The following SPATC1 variants were observed in gnomAD, a reference collection of about 807,000 sequenced individuals.
SPATC1 encodes the protein speriolin.
SPATC1 carries 35 observed loss-of-function variants against 36.5 expected under a neutral mutation model. The ratio of observed to expected loss-of-function variants is 0.96; its 90% confidence interval spans 0.73 to 1.27. SPATC1 has a LOEUF of 1.27. SPATC1 is among the 50% of genes most tolerant of loss of function. The pLI, the probability that SPATC1 is intolerant of heterozygous loss-of-function variation, is 0.00. For synonymous variants in SPATC1, 361 were observed against 353.6 expected, an observed-to-expected ratio of 1.02 and a Z score of -0.24; for missense variants, 779 against 796.0, an observed-to-expected ratio of 0.98 and a Z score of 0.26.
intron 1 of SPATC1, among the ~76,000 whole-genome samples, chr8:144,038,148 T>C (rs2133140115): frequency 7.0e-6 from 1 of 141,860 alleles, no homozygotes; most frequent in Non-Finnish European, 1.5e-5. Context: ...AAAATTGATT[T>C]TTACAGCCAG....
chr8:144,028,028 C>A (rs1236077874), intron 1 of SPATC1, among the ~76,000 whole-genome samples: 1 of 151,854 alleles, frequency 6.6e-6, no homozygotes, highest in Non-Finnish European at 1.5e-5. Flanking sequence ...GAAACTCGAC[C>A]CCTTAAACCT....
chr8:144,014,534 C>T (rs1338342456), intron 1 of SPATC1, among the ~76,000 whole-genome samples: 1 of 152,092 alleles, frequency 6.6e-6, no homozygotes, highest in Admixed American at 6.5e-5. Context: ...AAGCTAGACT[C>T]TGGTTTCGTA....
chr8:144,037,357 C>T (rs368615976), intron 1 of SPATC1, among the ~76,000 whole-genome samples: 3 of 151,476 alleles, frequency 2.0e-5, no homozygotes, highest in African/African-American at 7.3e-5. Flanking sequence ...ATGACAATGG[C>T]GGTTTTGAGG....
intron 4 of SPATC1, among the ~76,000 whole-genome samples, chr8:144,043,902 G>A (rs1251595946): frequency 6.6e-6 from 1 of 152,152 alleles, no homozygotes; most frequent in Non-Finnish European, 1.5e-5. Context: ...ACGGGCACAC[G>A]CCTTGGAGGA....
chr8:144,020,890 C>G lies in SPATC1; in HGVS notation c.211+8164C>G, dbSNP rs1174535751. On this transcript the variant is annotated intron_variant, in intron 1 of 4. Transcript: ENST00000377470. ...ACTCTCTTCCCTCAGACCCCTCTTC[C>G]CTCAGGACCCTCTTCCCTCAGGACC... 3.6e-5 allele frequency among the ~76,000 whole-genome samples: 5 copies of G among 139,442 alleles called. No individual in the cohort carries two copies. In the East Asian group the frequency reaches 8.3e-4, roughly 23 times the overall value. The allele number at this position is 139,442 out of a possible 152,430, so 91.5% of individuals were successfully genotyped here. A position where few individuals can be genotyped will look rare whatever the true frequency, so the allele number is the denominator to read the frequency against.
chr8:144,028,890 T>C (rs1475813625), intron 1 of SPATC1, among the ~76,000 whole-genome samples: 2 of 152,132 alleles, frequency 1.3e-5, no homozygotes, highest in African/African-American at 4.8e-5. Flanking sequence ...GATAAGATCA[T>C]GTCCTTTGCA....
intron 4 of SPATC1, chr8:144,042,107 G>A (rs1554756185): frequency 1.5e-6 from 1 of 676,300 alleles, no homozygotes; most frequent in Non-Finnish European, 1.8e-6. Context: ...TATGTACCCA[G>A]CTCACTGCAA....
At chr8:144,022,673 G>A (rs1437352815) in intron 1 of SPATC1, among the ~76,000 whole-genome samples, 1 of 146,944 alleles carries the variant, frequency 6.8e-6, no homozygotes, top group Non-Finnish European at 1.5e-5. Flanking sequence ...CTCCTCTCAC[G>A]ACCCTCTCTC....
chr8:144,033,445 C>T (rs977581262), intron 1 of SPATC1, among the ~76,000 whole-genome samples: 1 of 152,084 alleles, frequency 6.6e-6, no homozygotes, highest in African/African-American at 2.4e-5. Flanking sequence ...CCTATGTTTT[C>T]CTCCCAAAAT....
rs782243691 is a variant in SPATC1 at position 144,040,724 on chromosome 8, C to T, written c.923C>T (p.Ala308Val). 6.2e-7 allele frequency: 1 copy of T among 1,613,528 alleles called. No homozygotes were observed. Among genetic ancestry groups the T allele is most frequent in the Admixed American group, 1.7e-5 (1 of 59,990 alleles). ...TCCTTCAACACTTCGGACACACAGG[C>T]CCAGCCCAGTGCCGCCCAGGAACAA... is the stretch of plus-strand genomic sequence containing the variant. ...AFSFNTSDTQ[A>V]QPSAAQEQVV... Residue 308 changes from alanine to valine, a missense_variant, in exon 3 of 5, where the codon GCC (alanine) becomes GTC (valine). Physicochemically the swap from Ala to Val is moderately conservative, Grantham distance 64. Coordinates refer to ENST00000377470, the MANE Select transcript of SPATC1 (RefSeq NM_198572.3).
chr8:144,014,791 G>A (rs1409318976), intron 1 of SPATC1, among the ~76,000 whole-genome samples: 2 of 152,222 alleles, frequency 1.3e-5, no homozygotes, highest in Non-Finnish European at 2.9e-5. Context: ...TTAAAGCCCT[G>A]ACCCATGTGT....
intron 1 of SPATC1, among the ~76,000 whole-genome samples, chr8:144,021,505 C>T (rs1834534603): frequency 9.1e-6 from 1 of 109,910 alleles, no homozygotes; most frequent in Admixed American, 8.6e-5. Context: ...CTCCTTCCCT[C>T]AGATCCCTCT....
At chr8:144,032,627 G>A (rs986035435) in intron 1 of SPATC1, among the ~76,000 whole-genome samples, 14 of 152,206 alleles carry the variant, frequency 9.2e-5, no homozygotes, top group African/African-American at 3.4e-4. Flanking sequence ...ATATTATAAC[G>A]TGGTGACTCT....
rs371082575 is a variant in SPATC1 at position 144,039,943 on chromosome 8, C to T, written c.246C>T (p.Asn82=). ...TGCCCCCGTCCCCAGCAGTGGCAAACGAACGAGTCCTCGAAGAAGTGGGGA... is the reference window on the plus strand; with the variant it reads ...TGCCCCCGTCCCCAGCAGTGGCAAATGAACGAGTCCTCGAAGAAGTGGGGA... ...VFLPPSPAVA[N]ERVLEEVGIM... Residue 82 remains asparagine (N), a synonymous_variant, in exon 2 of 5, where the codon AAC becomes AAT. Transcript: ENST00000377470. 42 of 1,613,798 alleles carry T rather than the reference C, an allele frequency of 2.6e-5. No individual in the cohort carries two copies. Among genetic ancestry groups the T allele is most frequent in the South Asian group, 2.2e-4 (20 of 91,086 alleles).
At position 144,016,776 on chromosome 8, in the gene SPATC1, C is replaced by T. The variant is rs568495005; in HGVS notation, c.211+4050C>T. Among the ~76,000 whole-genome samples, 1 of 152,188 alleles carries T rather than the reference C, an allele frequency of 6.6e-6. No homozygotes were observed. Among genetic ancestry groups the T allele is most frequent in the Non-Finnish European group, 1.5e-5 (1 of 68,012 alleles). ...TGAGCCTCCCGAGTAGCTGGGACTA[C>T]GGGCATGCACCAGCACACCCGGCTA... On this transcript the variant is annotated intron_variant, in intron 1 of 4. Transcript: ENST00000377470. The surrounding 1 kb of genome is among the most constrained non-coding windows in gnomAD (Gnocchi z 4.5).
At chr8:144,042,268 G>A (rs1389673449) in intron 4 of SPATC1, among the ~76,000 whole-genome samples, 1 of 121,014 alleles carries the variant, frequency 8.3e-6, no homozygotes, top group Non-Finnish European at 1.6e-5. Flanking sequence ...ACAGGTTTAC[G>A]CCACCACGCC....
At chr8:144,042,819 T>C (rs79832570) in intron 4 of SPATC1, among the ~76,000 whole-genome samples, 9,652 of 151,902 alleles carry the variant, frequency 0.064, 411 homozygotes, top group Middle Eastern at 0.15. Context: ...CAGGCCTGTG[T>C]GCGAGAGGAC....
chr8:144,013,723 A>C (rs1834325601), intron 1 of SPATC1, among the ~76,000 whole-genome samples: 1 of 152,204 alleles, frequency 6.6e-6, no homozygotes. Flanking sequence ...TGGGAAGCTG[A>C]GGCAAGCAGA....
At chr8:144,021,458 A>G (rs1489016983) in intron 1 of SPATC1, among the ~76,000 whole-genome samples, 1 of 121,582 alleles carries the variant, frequency 8.2e-6, no homozygotes, top group Non-Finnish European at 1.8e-5. Context: ...GCCTTCTCTC[A>G]GGACCCTCTC....
Sources: gnomAD v4.1 joint callset for allele counts (sites outside exome capture counted in the v4.1 genomes callset) on GRCh38, gnomAD v4.1.1 for gene constraint, Gnocchi (gnomAD v3.1) non-coding constraint, MANE v1.5 for transcripts, NCBI Gene and HGNC (gene_info 2026-07-23, HGNC 2026-07-21) for gene names.